The following SGCZ variants were observed in gnomAD, a reference collection of about 807,000 sequenced individuals.
SGCZ encodes sarcoglycan zeta.
A neutral mutation model predicts 41.3 loss-of-function variants in SGCZ; 40 were observed. The observed-to-expected ratio is 0.97, with a 90% CI of 0.75 to 1.26. The LOEUF is 1.26. SGCZ is among the 50% of genes most tolerant of loss of function. SGCZ has a pLI of 0.00. For synonymous variants in SGCZ, 206 were observed against 137.5 expected, an observed-to-expected ratio of 1.50 and a Z score of -3.49; for missense variants, 552 against 369.8, an observed-to-expected ratio of 1.49 and a Z score of -4.04.
chr8:14,436,123 G>A (rs1038643416), intron 2 of SGCZ, among the ~76,000 whole-genome samples: 2 of 152,128 alleles, frequency 1.3e-5, no homozygotes, highest in Non-Finnish European at 2.9e-5. Flanking sequence ...AGCAGGAAGG[G>A]AGCGAGAGAA....
chr8:14,972,813 T>G (rs1801345848), intron 1 of SGCZ, among the ~76,000 whole-genome samples: 1 of 152,184 alleles, frequency 6.6e-6, no homozygotes, highest in Non-Finnish European at 1.5e-5. Context: ...GCTATTGTAG[T>G]CATACAAATT....
intron 1 of SGCZ, among the ~76,000 whole-genome samples, chr8:14,948,578 T>C (rs1355454527): frequency 1.3e-5 from 2 of 152,118 alleles, no homozygotes; most frequent in African/African-American, 4.8e-5. Context: ...CTTCCTTAGA[T>C]GACATTTATC....
At chr8:15,129,447 TTAAC>T (rs1158444883) in intron 1 of SGCZ, among the ~76,000 whole-genome samples, 1 of 152,132 alleles carries the variant, frequency 6.6e-6, no homozygotes, top group Admixed American at 6.5e-5. Flanking sequence ...TCCAAACTGT[TTAAC>T]TAAAATTCTT....
intron 2 of SGCZ, among the ~76,000 whole-genome samples, chr8:14,480,460 T>C (rs575957178): frequency 1.3e-5 from 2 of 152,312 alleles, no homozygotes; most frequent in East Asian, 1.9e-4. Context: ...TTCTCTATTA[T>C]TTCAATGTTT....
intron 1 of SGCZ, among the ~76,000 whole-genome samples, chr8:15,232,358 T>C (rs879383781): frequency 1.3e-5 from 2 of 152,152 alleles, no homozygotes; most frequent in African/African-American, 2.4e-5. Flanking sequence ...GTATTTTCAA[T>C]TGGTAAACTC....
chr8:14,201,342 A>G (rs1264692710), intron 4 of SGCZ, among the ~76,000 whole-genome samples: 1 of 152,174 alleles, frequency 6.6e-6, no homozygotes, highest in Non-Finnish European at 1.5e-5. Context: ...GTGGCTTTAT[A>G]TCAAGAATCA....
intron 2 of SGCZ, among the ~76,000 whole-genome samples, chr8:14,385,155 C>G (rs942527739): frequency 2.0e-5 from 3 of 152,048 alleles, no homozygotes; most frequent in African/African-American, 4.8e-5. Flanking sequence ...AATGCTCTCA[C>G]GATAGGGGAT....
chr8:15,184,895 A>G (rs1800290283), intron 1 of SGCZ, among the ~76,000 whole-genome samples: 1 of 151,952 alleles, frequency 6.6e-6, no homozygotes, highest in South Asian at 2.1e-4. Context: ...TTAAATTCCC[A>G]CCAAAATTCT....
intron 1 of SGCZ, among the ~76,000 whole-genome samples, chr8:14,823,929 A>G (rs1469196643): frequency 6.6e-6 from 1 of 152,290 alleles, no homozygotes; most frequent in East Asian, 1.9e-4. Context: ...ACTTGCAACA[A>G]CATGGATGAA....
At chr8:14,577,634 C>T (rs1804755018) in intron 1 of SGCZ, among the ~76,000 whole-genome samples, 1 of 152,010 alleles carries the variant, frequency 6.6e-6, no homozygotes, top group African/African-American at 2.4e-5. Flanking sequence ...GTGATCTGCC[C>T]GCCTCAGCCT....
At chr8:14,774,901 T>C (rs1800354248) in intron 1 of SGCZ, among the ~76,000 whole-genome samples, 1 of 152,198 alleles carries the variant, frequency 6.6e-6, no homozygotes, top group Admixed American at 6.6e-5. Flanking sequence ...TACATGTAGG[T>C]ACTGGCTATA....
intron 1 of SGCZ, among the ~76,000 whole-genome samples, chr8:14,711,951 T>G (rs1043999596): frequency 5.3e-5 from 8 of 152,018 alleles, no homozygotes; most frequent in Non-Finnish European, 8.8e-5. Flanking sequence ...AGTGCAAATC[T>G]TCACACCCTA....
chr8:14,899,966 C>T (rs1319846545), intron 1 of SGCZ, among the ~76,000 whole-genome samples: 1 of 152,030 alleles, frequency 6.6e-6, no homozygotes, highest in African/African-American at 2.4e-5. Flanking sequence ...AGGGTACCTG[C>T]TGTGAAAAGG....
intron 3 of SGCZ, among the ~76,000 whole-genome samples, chr8:14,266,515 A>T (rs1289288775): frequency 6.6e-6 from 1 of 152,192 alleles, no homozygotes; most frequent in Non-Finnish European, 1.5e-5. Flanking sequence ...GAAATGCAGG[A>T]CATGTCTGCA....
chr8:14,570,994 T>A (rs548099048), intron 1 of SGCZ, among the ~76,000 whole-genome samples: 216 of 152,328 alleles, frequency 1.4e-3, no homozygotes, highest in African/African-American at 5.0e-3. Flanking sequence ...TCGAGATTAG[T>A]CATTACCTTG....
intron 1 of SGCZ, among the ~76,000 whole-genome samples, chr8:14,714,454 C>T (rs1809622932): frequency 6.6e-6 from 1 of 152,158 alleles, no homozygotes; most frequent in Non-Finnish European, 1.5e-5. Context: ...CATTTAAAAA[C>T]TTACATGAAT....
chr8:14,654,675 G>A (rs779230776), intron 1 of SGCZ, among the ~76,000 whole-genome samples: 1 of 151,730 alleles, frequency 6.6e-6, no homozygotes, highest in East Asian at 1.9e-4. Flanking sequence ...GAGTTCAAGC[G>A]ATTCTCCTGC....
chr8:15,087,728 T>A (rs529872620), intron 1 of SGCZ, among the ~76,000 whole-genome samples: 1 of 152,306 alleles, frequency 6.6e-6, no homozygotes, highest in Admixed American at 6.5e-5. Context: ...TCAGCTAACC[T>A]AGTATTAACA....
intron 1 of SGCZ, among the ~76,000 whole-genome samples, chr8:15,059,210 AT>A (rs1804827201): frequency 6.6e-6 from 1 of 152,128 alleles, no homozygotes; most frequent in Admixed American, 6.5e-5. Context: ...TTTACAAAAT[AT>A]TTTTATTGCC....
Sources: gnomAD v4.1 joint callset for allele counts (sites outside exome capture counted in the v4.1 genomes callset) on GRCh38, gnomAD v4.1.1 for gene constraint, MANE v1.5 for transcripts, NCBI Gene and HGNC (gene_info 2026-07-23, HGNC 2026-07-21) for gene names.